Variants in DTNA observed in about 807,000 individuals in gnomAD.
DTNA encodes the protein dystrobrevin alpha.
A neutral mutation model predicts 100.7 loss-of-function variants in DTNA; 43 were observed. That is an observed-to-expected ratio of 0.43 (90% CI 0.33 to 0.55). The LOEUF (loss-of-function observed/expected upper bound fraction) is 0.55, where lower values mean the gene tolerates loss of function less well. DTNA is among the 20% of genes least tolerant of loss of function. The probability of loss-of-function intolerance (pLI) is 0.04; values close to 1 mark genes in which losing one functional copy is unlikely to be tolerated. For missense variants in DTNA, 798 were observed against 953.9 expected (o/e 0.84, Z 2.15); for synonymous variants, 349 against 347.9 (o/e 1.00, Z -0.04).
chr18:34,712,446 C>T (rs1463405185), intron 1 of DTNA, among the ~76,000 whole-genome samples: 1 of 152,042 alleles, frequency 6.6e-6, no homozygotes, highest in Non-Finnish European at 1.5e-5. Flanking sequence ...TTATGGGCTA[C>T]CAGCCAGCTT....
intron 4 of DTNA, among the ~76,000 whole-genome samples, chr18:34,797,204 T>C (rs765678703): frequency 1.3e-5 from 2 of 152,302 alleles, no homozygotes; most frequent in Middle Eastern, 3.4e-3. Flanking sequence ...CTTTTAAAAA[T>C]GGCTGTATTC....
intron 1 of DTNA, among the ~76,000 whole-genome samples, chr18:34,496,174 G>T (rs2144395254): frequency 6.9e-6 from 1 of 144,344 alleles, no homozygotes; most frequent in Admixed American, 7.0e-5. Flanking sequence ...AAAATATTTG[G>T]CTCTTCAGTG....
chr18:34,877,634 A>G, intron 18 of DTNA, 85 bp from the exon 19 acceptor site: 1 of 1,228,686 alleles, frequency 8.1e-7, no homozygotes, highest in Non-Finnish European at 1.2e-6. Flanking sequence ...GCTTTAGGTT[A>G]TTAATGGGAA....
intron 1 of DTNA, among the ~76,000 whole-genome samples, chr18:34,612,590 AG>A (rs2054444111): frequency 6.6e-6 from 1 of 152,212 alleles, no homozygotes; most frequent in Admixed American, 6.5e-5. Flanking sequence ...AAAAAGAAAA[AG>A]AAAAAAACAG....
At chr18:34,529,452 A>G (rs1027960621) in intron 1 of DTNA, among the ~76,000 whole-genome samples, 6 of 152,124 alleles carry the variant, frequency 3.9e-5, no homozygotes, top group Non-Finnish European at 7.4e-5. Flanking sequence ...AGATTTATAT[A>G]TATTCTTCAA....
chr18:34,882,985 A>G (rs1382387867), intron 21 of DTNA, among the ~76,000 whole-genome samples: 4 of 152,176 alleles, frequency 2.6e-5, no homozygotes. Context: ...TGTGTTCATC[A>G]AGGTATGGAC....
rs1315941046 is a variant in DTNA, at chr18:34,595,144, TTG to T, written c.-2+101632_-2+101633del. On this transcript the variant is annotated intron_variant, in intron 1 of 19. Coordinates refer to the DTNA transcript ENST00000283365. Reference sequence around the variant, plus strand: ...TGGTCATACTGGGTGCCTTGTGACATTGTATTACCAGTTGTGTACTGAATGGT... The same window carrying T: ...TGGTCATACTGGGTGCCTTGTGACATTATTACCAGTTGTGTACTGAATGGT... 3.9e-5 allele frequency among the ~76,000 whole-genome samples: 6 copies of T among 152,380 alleles called. No homozygotes were observed. In the East Asian group the frequency reaches 1.2e-3, roughly 29 times the overall value.
chr18:34,797,907 A>G (rs2095050140), intron 4 of DTNA, among the ~76,000 whole-genome samples: 2 of 152,218 alleles, frequency 1.3e-5, no homozygotes. Context: ...TATTCTTCTT[A>G]TGAACAGCAC....
chr18:34,572,899 A>G (rs1017432404), intron 1 of DTNA, among the ~76,000 whole-genome samples: 3 of 152,236 alleles, frequency 2.0e-5, no homozygotes, highest in Non-Finnish European at 4.4e-5. Context: ...TCACACAGAT[A>G]TAAGATCAAA....
At chr18:34,644,529 T>C (rs1159205201) in intron 1 of DTNA, among the ~76,000 whole-genome samples, 17 of 152,260 alleles carry the variant, frequency 1.1e-4, no homozygotes, top group African/African-American at 3.8e-4. Context: ...GGATTTGTAG[T>C]CACTTAAACA....
Position 34,848,318 on chromosome 18 carries a change from C to T in DTNA, c.1369C>T (p.Leu457Phe), listed in dbSNP as rs989645130. Residue 457 changes from leucine to phenylalanine, a missense_variant, in exon 14 of 23, where the codon CTT (leucine) becomes TTT (phenylalanine). Coordinates refer to ENST00000444659, the MANE Select transcript of DTNA (RefSeq NM_001386795.1). ...TAGCATGCTTGAGAGTTCAAACCGG[C>T]TTGATGAAGAACACAGGCTAATTGC... ...PSCMLESSNR[L>F]DEEHRLIARY... 6.2e-7 allele frequency: 1 copy of T among 1,614,012 alleles called. No individual in the cohort carries two copies. Among genetic ancestry groups the T allele is most frequent in the African/African-American group, 1.3e-5 (1 of 75,030 alleles).
At chr18:34,571,330 A>G (rs1406453275) in intron 1 of DTNA, among the ~76,000 whole-genome samples, 1 of 152,182 alleles carries the variant, frequency 6.6e-6, no homozygotes. Context: ...CACTATCAGA[A>G]ACACTGTAGA....
chr18:34,864,200 C>A, intron 17 of DTNA, 138 bp downstream of exon 17: 20 of 649,318 alleles, frequency 3.1e-5, no homozygotes, highest in East Asian at 6.6e-5. Context: ...AGATGTAAAA[C>A]AATTTGTTAG....
At chr18:34,569,229 C>T (rs1047942502) in intron 1 of DTNA, among the ~76,000 whole-genome samples, 1 of 151,892 alleles carries the variant, frequency 6.6e-6, no homozygotes, top group Non-Finnish European at 1.5e-5. Context: ...TTGAGTGAAT[C>T]GTAAGGGAAA....
At chr18:34,602,524 A>G (rs183944101) in intron 1 of DTNA, among the ~76,000 whole-genome samples, 3 of 152,312 alleles carry the variant, frequency 2.0e-5, no homozygotes, top group African/African-American at 7.2e-5. Context: ...ATACATAGAT[A>G]GATAGAGATA....
intron 1 of DTNA, among the ~76,000 whole-genome samples, chr18:34,612,326 C>T (rs1040049470): frequency 6.6e-6 from 1 of 152,196 alleles, no homozygotes; most frequent in Admixed American, 6.5e-5. Flanking sequence ...CCACCTAACT[C>T]ACTGCTACTG....
chr18:34,863,835 C>A, intron 16 of DTNA, 131 bp from the exon 17 acceptor site: 1 of 811,738 alleles, frequency 1.2e-6, no homozygotes, highest in Non-Finnish European at 2.1e-6. Flanking sequence ...GACAACAGTT[C>A]CCTGCCTGGT....
At chr18:34,633,324 G>A (rs2058300267) in intron 1 of DTNA, among the ~76,000 whole-genome samples, 1 of 152,080 alleles carries the variant, frequency 6.6e-6, no homozygotes, top group African/African-American at 2.4e-5. Flanking sequence ...AAGCTATGAT[G>A]TTGCAATATC....
At chr18:34,756,101 G>T in intron 2 of DTNA, 58 bp downstream of exon 2, 2 of 1,530,358 alleles carry the variant, frequency 1.3e-6, no homozygotes, top group Non-Finnish European at 1.8e-6. Flanking sequence ...TCATGGAAAG[G>T]CTAGAAATAA....
Sources: gnomAD v4.1 joint callset for allele counts (sites outside exome capture counted in the v4.1 genomes callset) on GRCh38, gnomAD v4.1.1 for gene constraint, MANE v1.5 for transcripts, NCBI Gene and HGNC (gene_info 2026-07-23, HGNC 2026-07-21) for gene names.